The following CHD8 variants were observed in gnomAD, a reference collection of about 807,000 sequenced individuals.
The protein encoded by CHD8 is chromodomain helicase DNA binding protein 8, also known as ATP-dependent chromatin remodeler CHD8.
In CHD8, 31 loss-of-function variants were observed where a neutral mutation model predicts 279.2. The ratio of observed to expected loss-of-function variants is 0.11; its 90% CI spans 0.08 to 0.15. CHD8 has a LOEUF of 0.15. Among genes scored for constraint, CHD8 ranks in the 10% least tolerant of loss-of-function variants. CHD8 has a pLI of 1.00. For missense variants in CHD8, 2,146 were observed against 3,230.5 expected, an observed-to-expected ratio of 0.66 and a Z score of 8.14; for synonymous variants, 1,081 against 1,139.6, an observed-to-expected ratio of 0.95 and a Z score of 1.04.
chr14:21,430,726 A>G, intron 2 of CHD8, 75 bp downstream of exon 2: 1 of 893,342 alleles, frequency 1.1e-6, no homozygotes. Flanking sequence ...GAAAGCTCTC[A>G]TGTGCTCACT....
chr14:21,405,664 T>A lies in CHD8; in HGVS notation c.3051+57A>T. 1 of 1,589,382 alleles carries A rather than the reference T, an allele frequency of 6.3e-7. No homozygotes were observed. The highest frequency in any genetic ancestry group is 8.6e-7 in the Non-Finnish European group (1 of 1,162,694). ...TACCCATGACAACAGATGTCTGCCTTGTACAAACTTCACCTTCTTTGTCCT... is the reference window on the plus strand; with the variant it reads ...TACCCATGACAACAGATGTCTGCCTAGTACAAACTTCACCTTCTTTGTCCT... On this transcript the variant is annotated intron_variant, in intron 15 of 37. Coordinates refer to ENST00000646647, the MANE Select transcript of CHD8 (RefSeq NM_001170629.2). This position sits in a 1 kb window ranked among gnomAD's most constrained non-coding sequence, Gnocchi z 4.2.
chr14:21,429,318 G>T lies in CHD8; in HGVS notation c.861C>A (p.Ile287=). 6.2e-7 allele frequency: 1 copy of T among 1,602,624 alleles called. No homozygotes were observed. Among genetic ancestry groups the T allele is most frequent in the South Asian group, 1.1e-5 (1 of 90,252 alleles). The part of the protein sequence containing the change: ...STPTQGESKR[I]TLVLQQPQSG... ...ACTGTGGCTGCTGGAGGACCAGGGTGATGCGTTTCGATTCACCCTAAAGTG... is the reference window on the plus strand; with the variant it reads ...ACTGTGGCTGCTGGAGGACCAGGGTTATGCGTTTCGATTCACCCTAAAGTG... The change falls in exon 3 of 38, where the codon ATC becomes ATA. Residue 287 remains isoleucine, a synonymous_variant. Coordinates refer to ENST00000646647, the MANE Select transcript of CHD8 (RefSeq NM_001170629.2).
Position 21,408,177 on chromosome 14 carries a change from T to C in CHD8, c.2730+135A>G. 1 of 1,124,328 alleles carries C rather than the reference T, an allele frequency of 8.9e-7. No individual in the cohort carries two copies. Among genetic ancestry groups the C allele is most frequent in the South Asian group, 1.6e-5 (1 of 61,264 alleles). The allele number at this position is 1,124,328 out of a possible 1,614,324, so 69.6% of individuals were successfully genotyped here. A position where few individuals can be genotyped will look rare whatever the true frequency, so the allele number is the denominator to read the frequency against. On this transcript the variant is annotated intron_variant, in intron 13 of 37. Transcript: ENST00000646647. The surrounding 1 kb of genome is among the most constrained non-coding windows in gnomAD (Gnocchi z 4.3). ...TGCACACTGCTATACAAAAATGCCT[T>C]AAACCATAGGCATTTTTGCATAGGC...
Position 21,408,943 on chromosome 14 carries a change from T to A in CHD8, c.2365-118A>T. 9.6e-7 allele frequency: 1 copy of A among 1,042,062 alleles called. No individual in the cohort carries two copies. The highest frequency in any genetic ancestry group is 1.4e-6 in the Non-Finnish European group (1 of 731,770). 64.6% of individuals were successfully genotyped at this position (1,042,062 alleles called of 1,614,324 possible). A position where few individuals can be genotyped will look rare whatever the true frequency, so the allele number is the denominator to read the frequency against. On this transcript the variant is annotated intron_variant, in intron 11 of 37. Coordinates refer to ENST00000646647, the MANE Select transcript of CHD8 (RefSeq NM_001170629.2). This position sits in a 1 kb window ranked among gnomAD's most constrained non-coding sequence, Gnocchi z 4.3. ...ACAACATTGTTTGGATTAAAACATGTCAAATATATTTAAATTTATGAGTTC... is the reference window on the plus strand; with the variant it reads ...ACAACATTGTTTGGATTAAAACATGACAAATATATTTAAATTTATGAGTTC...
At chr14:21,398,107 T>C (rs1887867246) in intron 26 of CHD8, 155 bp from the exon 27 acceptor site, 1 of 607,482 alleles carries the variant, frequency 1.6e-6, no homozygotes, top group Non-Finnish European at 2.6e-6. Context: ...GGTTTATTAC[T>C]ATATTTAACA....
chr14:21,415,518 TA>T, intron 7 of CHD8, 55 bp downstream of exon 7: 1 of 931,972 alleles, frequency 1.1e-6, no homozygotes, highest in African/African-American at 1.8e-5. Context: ...AATAAATAAA[TA>T]AATAAATAAA....
At chr14:21,447,307 G>A (rs989076283) in intron 1 of CHD8, among the ~76,000 whole-genome samples, 2 of 151,948 alleles carry the variant, frequency 1.3e-5, no homozygotes, top group African/African-American at 4.8e-5. Flanking sequence ...TTAGGGTTAG[G>A]ACTATAATGC....
rs1380157659 is a variant in CHD8 at position 21,456,087 on chromosome 14, G to C, written c.-271C>G. ...CAGCGTTTCAACTCACCCTCTCCGAGAACAAGGCGCCTTCCGGCGGAGCAT... is the reference window on the plus strand; with the variant it reads ...CAGCGTTTCAACTCACCCTCTCCGACAACAAGGCGCCTTCCGGCGGAGCAT... On this transcript the variant is annotated 5_prime_UTR_variant, in exon 1 of 38. Coordinates refer to ENST00000646647, the MANE Select transcript of CHD8 (RefSeq NM_001170629.2). The C allele has an allele frequency of 2.6e-5, 4 of 152,362 alleles. No homozygotes were observed. The highest frequency in any genetic ancestry group is 9.7e-5 in the African/African-American group (4 of 41,450). 9.4% of individuals were successfully genotyped at this position (152,362 alleles called of 1,614,324 possible).
At position 21,431,151 on chromosome 14, in the gene CHD8, G is replaced by C; in HGVS notation, c.493C>G (p.Pro165Ala). 6.3e-7 allele frequency: 1 copy of C among 1,599,070 alleles called. No individual in the cohort carries two copies. Among genetic ancestry groups the C allele is most frequent in the Non-Finnish European group, 8.5e-7 (1 of 1,179,606 alleles). The change falls in exon 2 of 38, where the codon CCA (proline) becomes GCA (alanine). Residue 165 changes from proline to alanine, a missense_variant. Around this residue, in one of 26 missense-constraint regions of CHD8, gnomAD observed 302 missense variants for 325.5 expected, o/e 0.93. Coordinates refer to ENST00000646647, the MANE Select transcript of CHD8 (RefSeq NM_001170629.2). ...GCACCAGTGACTGAGGAGCTTGGTG[G>C]GGCCTTAAGGATAACAATCTTAGGG... Reference protein sequence around the residue: ...SAPKIVILKAPPSSSVTGAHV... With the variant: ...SAPKIVILKAAPSSSVTGAHV...
chr14:21,445,187 G>A (rs1199285078), intron 1 of CHD8, among the ~76,000 whole-genome samples: 1 of 152,144 alleles, frequency 6.6e-6, no homozygotes, highest in East Asian at 1.9e-4. Flanking sequence ...AATTTATCAT[G>A]TTCATTTCCC....
rs1594351096 is a variant in CHD8, at chr14:21,408,496, A to G, written c.2546T>C (p.Phe849Ser). 1 of 1,614,010 alleles carries G rather than the reference A, an allele frequency of 6.2e-7. No individual in the cohort carries two copies. Residue 849 changes from phenylalanine (F) to serine (S), a missense_variant, in exon 13 of 38, where the codon TTC (phenylalanine) becomes TCC (serine). Physicochemically the swap from Phe to Ser is radical, Grantham distance 155. Coordinates refer to ENST00000646647, the MANE Select transcript of CHD8 (RefSeq NM_001170629.2). This position sits in a 1 kb window ranked among gnomAD's most constrained non-coding sequence, Gnocchi z 4.3. ...GLGKTIQSIAFLQEVYNVGIH... is the reference protein window; with the variant it reads ...GLGKTIQSIASLQEVYNVGIH... ...GCCCACATTATATACTTCCTGCAAGAAGGCAATGGACTGAATAGTTTTGCC... is the reference window on the plus strand; with the variant it reads ...GCCCACATTATATACTTCCTGCAAGGAGGCAATGGACTGAATAGTTTTGCC...
At chr14:21,386,471 A>G in intron 37 of CHD8, 1 of 414,992 alleles carries the variant, frequency 2.4e-6, no homozygotes, top group South Asian at 3.3e-5. Context: ...ACTTTAGTCA[A>G]CCATTTCACA....
chr14:21,452,004 G>A lies in CHD8; in HGVS notation c.-216+4028C>T, dbSNP rs76532946. 9.7e-3 allele frequency among the ~76,000 whole-genome samples: 1,482 copies of A among 152,230 alleles called. 14 individuals are homozygous for A. Among genetic ancestry groups the A allele is most frequent in the Middle Eastern group, 0.024 (7 of 294 alleles). On this transcript the variant is annotated intron_variant, in intron 1 of 37. Transcript: ENST00000646647. ...CCCACAAAACTGAGAGATTAAAGGAGAAAAAGGTTATCCAAGACAAAATCT... is the reference window on the plus strand; with the variant it reads ...CCCACAAAACTGAGAGATTAAAGGAAAAAAAGGTTATCCAAGACAAAATCT...
Position 21,429,044 on chromosome 14 carries a change from G to C in CHD8, c.1135C>G (p.Gln379Glu), listed in dbSNP as rs756654656. Reference sequence around the variant, plus strand: ...CCTGGTCCCATTATCTGAGCCTGCTGTACAGAGGACAGAGTCACTGGCTGG... The same window carrying C: ...CCTGGTCCCATTATCTGAGCCTGCTCTACAGAGGACAGAGTCACTGGCTGG... Reference protein sequence around the residue: ...STQPVTLSSVQQAQIMGPGQS... With the variant: ...STQPVTLSSVEQAQIMGPGQS... Residue 379 changes from glutamine to glutamate, a missense_variant, in exon 3 of 38, where the codon CAG becomes GAG. Around this residue, in one of 26 missense-constraint regions of CHD8, gnomAD observed 170 missense variants for 189.9 expected, o/e 0.90. Coordinates refer to ENST00000646647, the MANE Select transcript of CHD8 (RefSeq NM_001170629.2). 2 of 1,614,004 alleles carry C rather than the reference G, an allele frequency of 1.2e-6. No individual in the cohort carries two copies. The highest frequency in any genetic ancestry group is 1.7e-5 in the Admixed American group (1 of 60,032).
intron 1 of CHD8, among the ~76,000 whole-genome samples, chr14:21,452,969 C>T (rs993727932): frequency 2.0e-5 from 3 of 148,710 alleles, no homozygotes; most frequent in African/African-American, 5.0e-5. Flanking sequence ...GGTGACACAG[C>T]GAGACTCCAT....
At chr14:21,426,409 A>G (rs1889321378) in intron 4 of CHD8, 167 bp from the exon 5 acceptor site, 3 of 575,332 alleles carry the variant, frequency 5.2e-6, no homozygotes, top group Non-Finnish European at 6.1e-6. Context: ...AAAAAAGAAG[A>G]TATTAGGGTT....
intron 1 of CHD8, among the ~76,000 whole-genome samples, chr14:21,445,688 CA>C (rs747923350): frequency 0.078 from 1,341 of 17,246 alleles, 2 homozygotes; most frequent in Non-Finnish European, 0.096. Context: ...GATTCGGTCT[CA>C]AAAAAAAAAA....
Position 21,402,908 on chromosome 14 carries a change from C to G in CHD8, c.3714+109G>C. ...TCCCTGACCTAACTGCCACCCTTAA[C>G]TAAGGAAACAATTCCAAACTCTGTG... On this transcript the variant is annotated intron_variant, in intron 18 of 37. Coordinates refer to ENST00000646647, the MANE Select transcript of CHD8 (RefSeq NM_001170629.2). This position sits in a 1 kb window ranked among gnomAD's most constrained non-coding sequence, Gnocchi z 4.5. 4 of 925,754 alleles carry G rather than the reference C, an allele frequency of 4.3e-6. No homozygotes were observed. In the South Asian group the frequency reaches 7.3e-5, roughly 17 times the overall value. The allele number at this position is 925,754 out of a possible 1,614,324, so 57.3% of individuals were successfully genotyped here.
At position 21,405,066 on chromosome 14, in the gene CHD8, G is replaced by T; in HGVS notation, c.3307+143C>A. 1 of 725,254 alleles carries T rather than the reference G, an allele frequency of 1.4e-6. No individual in the cohort carries two copies. The highest frequency in any genetic ancestry group is 2.0e-5 in the South Asian group (1 of 50,514). The allele number at this position is 725,254 out of a possible 1,614,324, so 44.9% of individuals were successfully genotyped here. ...AGGCTTAGAGTCTCTTTTTTAAAAG[G>T]AGAACCATTTCCCTCCCATTCCTCA... On this transcript the variant is annotated intron_variant, in intron 16 of 37. Coordinates refer to ENST00000646647, the MANE Select transcript of CHD8 (RefSeq NM_001170629.2). The surrounding 1 kb of genome is among the most constrained non-coding windows in gnomAD (Gnocchi z 4.2).
Sources: gnomAD v4.1 joint callset for allele counts (sites outside exome capture counted in the v4.1 genomes callset) on GRCh38, gnomAD v4.1.1 for gene constraint, gnomAD v4.1.1 regional missense constraint, Gnocchi (gnomAD v3.1) non-coding constraint, MANE v1.5 for transcripts, NCBI Gene and HGNC (gene_info 2026-07-23, HGNC 2026-07-21) for gene names.